The following XPNPEP2 variants were observed in gnomAD, a reference collection of about 807,000 sequenced individuals.
XPNPEP2 encodes the protein xaa-Pro aminopeptidase 2.
XPNPEP2 carries 64 observed loss-of-function variants against 59.8 expected under a neutral mutation model. That is an observed-to-expected ratio of 1.07 (90% CI 0.87 to 1.32). The LOEUF is 1.32. XPNPEP2 is among the 40% of genes most tolerant of loss of function. The probability of loss-of-function intolerance (pLI) is 0.00; values close to 1 mark genes in which losing one functional copy is unlikely to be tolerated. For synonymous variants in XPNPEP2, 235 were observed against 210.0 expected (o/e 1.12, Z -1.03); for missense variants, 575 against 546.8 (o/e 1.05, Z -0.51).
intron 16 of XPNPEP2, 152 bp from the exon 17 acceptor site, chrX:129,761,020 T>C (rs929708499): frequency 1.2e-5 from 6 of 498,088 alleles, no homozygotes; most frequent in Non-Finnish European, 2.0e-5. Context: ...CCCTCCTCCA[T>C]CCCAACCCAA....
chrX:129,759,130 C>T (rs1397507140), intron 14 of XPNPEP2, 50 bp from the exon 15 acceptor site: 14 of 1,199,678 alleles, frequency 1.2e-5, no homozygotes, highest in Non-Finnish European at 6.8e-6. Context: ...AGCACATGGC[C>T]CCAGTCCCTA....
Position 129,747,609 on chromosome X carries a change from A to G in XPNPEP2, c.493A>G (p.Thr165Ala). 1 of 1,211,357 alleles carries G rather than the reference A, an allele frequency of 8.3e-7. No individual in the cohort carries two copies. Among genetic ancestry groups the G allele is most frequent in the East Asian group, 3.0e-5 (1 of 33,873 alleles). Residue 165 changes from threonine to alanine, a missense_variant and splice_region_variant, in exon 7 of 21, where the codon ACC becomes GCC. By Grantham distance (58) the Thr-to-Ala change is moderately conservative (BLOSUM62 0). Transcript: ENST00000371106. Reference sequence around the variant, plus strand: ...GTGACTCCTTCTTGTCTCTGCAGACACCTGGGAGAGTTATGATCTGGCCCT... The same window carrying G: ...GTGACTCCTTCTTGTCTCTGCAGACGCCTGGGAGAGTTATGATCTGGCCCT... ...GFDPFLLSID[T>A]WESYDLALQG...
Position 129,760,386 on chromosome X carries a change from C to A in XPNPEP2, c.1429-126C>A, listed in dbSNP as rs1260233630. 1.0e-5 allele frequency: 7 copies of A among 686,547 alleles called. No homozygotes were observed. The South Asian group carries it at 2.1e-4, about 21-fold the overall frequency. The allele number at this position is 686,547 out of a possible 1,213,427, so 56.6% of individuals were successfully genotyped here. ...CGGGCAGCCACACATAACGATGAGA[C>A]TCCCCCCACCCTGCCTACACACACC... is the stretch of plus-strand genomic sequence containing the variant. On this transcript the variant is annotated intron_variant, in intron 15 of 20. Transcript: ENST00000371106.
Position 129,767,455 on chromosome X carries a change from A to G in XPNPEP2, c.1741-148A>G, listed in dbSNP as rs113974817. The G allele has an allele frequency of 7.2e-3, 3,698 of 510,764 alleles. 93 individuals are homozygous for G. In the African/African-American group the frequency reaches 0.074, roughly 10 times the overall value. The allele number at this position is 510,764 out of a possible 1,213,427, so 42.1% of individuals were successfully genotyped here. A position where few individuals can be genotyped will look rare whatever the true frequency, so the allele number is the denominator to read the frequency against. On this transcript the variant is annotated intron_variant, in intron 19 of 20. Transcript: ENST00000371106. ...GGGGCTGGCCAAGAGAAGGGACTCTAGAAGGCTCAGGCCTAGCCAGGGTGT... is the reference window on the plus strand; with the variant it reads ...GGGGCTGGCCAAGAGAAGGGACTCTGGAAGGCTCAGGCCTAGCCAGGGTGT...
chrX:129,761,919 C>T (rs1045343426), intron 17 of XPNPEP2, 87 bp from the exon 18 acceptor site: 46 of 960,001 alleles, frequency 4.8e-5, no homozygotes, highest in Non-Finnish European at 6.7e-5. Flanking sequence ...CTGGGATCCT[C>T]ACTTATCTGC....
intron 14 of XPNPEP2, among the ~76,000 whole-genome samples, chrX:129,758,171 T>TAGGGGATCCAGAG (rs1926590963): frequency 9.0e-6 from 1 of 111,682 alleles, no homozygotes; most frequent in Non-Finnish European, 1.9e-5. Context: ...ACAGAGGCTC[T>TAGGGGATCCAGAG]TTGCTTGTTC....
intron 8 of XPNPEP2, among the ~76,000 whole-genome samples, chrX:129,751,245 C>T (rs1423457255): frequency 9.2e-6 from 1 of 109,242 alleles, no homozygotes; most frequent in Admixed American, 9.9e-5. Context: ...CGGTGACTCA[C>T]GCCTGTAATC....
chrX:129,767,162 C>T (rs190890701), intron 19 of XPNPEP2, among the ~76,000 whole-genome samples: 5 of 110,972 alleles, frequency 4.5e-5, no homozygotes, highest in African/African-American at 6.6e-5. Flanking sequence ...TGCAGAGGGC[C>T]GTCATCGTGT....
intron 7 of XPNPEP2, among the ~76,000 whole-genome samples, chrX:129,748,601 C>T (rs1179189537): frequency 8.9e-6 from 1 of 112,319 alleles, no homozygotes. Context: ...TTCAAAATAG[C>T]AGCCATGACG....
chrX:129,761,440 C>A (rs191781203), intron 17 of XPNPEP2, among the ~76,000 whole-genome samples, 164 bp downstream of exon 17: 352 of 112,139 alleles, frequency 3.1e-3, no homozygotes, highest in Non-Finnish European at 4.8e-3. Context: ...CAGCAGCAGG[C>A]CAGTCCTGCT....
intron 13 of XPNPEP2, among the ~76,000 whole-genome samples, chrX:129,755,938 T>C (rs1052635383): frequency 8.9e-6 from 1 of 112,074 alleles, no homozygotes; most frequent in African/African-American, 3.2e-5. Flanking sequence ...TCCTACCCAC[T>C]CGGGCTAGAG....
intron 2 of XPNPEP2, among the ~76,000 whole-genome samples, chrX:129,743,073 A>G (rs941844697): frequency 5.4e-5 from 6 of 112,060 alleles, no homozygotes; most frequent in African/African-American, 1.9e-4. Context: ...GCTAAGGGGT[A>G]GGCATGCCAG....
chrX:129,767,805 C>T (rs1926780120), intron 20 of XPNPEP2, 113 bp downstream of exon 20: 2 of 725,101 alleles, frequency 2.8e-6, no homozygotes, highest in East Asian at 6.5e-5. Flanking sequence ...ACACTGGTGG[C>T]ACCTGCAGAC....
intron 1 of XPNPEP2, among the ~76,000 whole-genome samples, chrX:129,741,000 A>G (rs1158432584): frequency 1.8e-5 from 2 of 108,284 alleles, no homozygotes; most frequent in African/African-American, 6.7e-5. Flanking sequence ...TCAGGGCCCC[A>G]TTACCATCTA....
intron 7 of XPNPEP2, among the ~76,000 whole-genome samples, chrX:129,749,656 G>T (rs1387609500): frequency 8.8e-6 from 1 of 113,195 alleles, no homozygotes; most frequent in Non-Finnish European, 1.9e-5. Flanking sequence ...AGGGGGCAGG[G>T]ATAGAAGATG....
Position 129,760,516 on chromosome X carries a change from C to G in XPNPEP2, c.1433C>G (p.Ala478Gly). 8.3e-7 allele frequency: 1 copy of G among 1,211,451 alleles called. No individual in the cohort carries two copies. The highest frequency in any genetic ancestry group is 1.1e-6 in the Non-Finnish European group (1 of 895,029). Residue 478 changes from alanine to glycine, a missense_variant, in exon 16 of 21, where the codon GCA becomes GGA. Physicochemically the swap from Ala to Gly is moderately conservative, Grantham distance 60. Coordinates refer to ENST00000371106, the MANE Select transcript of XPNPEP2 (RefSeq NM_003399.6). Reference protein sequence around the residue: ...WGTPSAFQKEAYTRVLIGNID... With the variant: ...WGTPSAFQKEGYTRVLIGNID... ...ACCTCTTCCTCTCCCCATCAGGAGG[C>G]ATACACCCGTGTGCTGATAGGAAAT...
At chrX:129,757,891 GAGAGAAAGAA>G (rs754683277) in intron 14 of XPNPEP2, among the ~76,000 whole-genome samples, 3,255 of 67,598 alleles carry the variant, frequency 0.048, 81 homozygotes, top group African/African-American at 0.075. Context: ...GAGAGAGAGA[GAGAGAAAGAA>G]AGAAAGAAAG....
intron 8 of XPNPEP2, among the ~76,000 whole-genome samples, chrX:129,751,430 C>A (rs182747945): frequency 2.0e-3 from 214 of 108,771 alleles, no homozygotes; most frequent in African/African-American, 6.3e-3. Flanking sequence ...CTTGCTTGAA[C>A]CTGCGAGGTG....
chrX:129,742,344 G>C (rs2124012291), intron 2 of XPNPEP2, among the ~76,000 whole-genome samples, 163 bp downstream of exon 2: 1 of 104,284 alleles, frequency 9.6e-6, no homozygotes, highest in South Asian at 4.5e-4. Flanking sequence ...GCTTTCTCCT[G>C]ATTTCCGGAC....
Sources: gnomAD v4.1 joint callset for allele counts (sites outside exome capture counted in the v4.1 genomes callset) on GRCh38, gnomAD v4.1.1 for gene constraint, MANE v1.5 for transcripts, NCBI Gene and HGNC (gene_info 2026-07-23, HGNC 2026-07-21) for gene names.